The following USP37 variants were observed in gnomAD, a reference collection of about 807,000 sequenced individuals.
The protein encoded by USP37 is ubiquitin specific peptidase 37.
In USP37, 27 loss-of-function variants were observed where a neutral mutation model predicts 124.0. The observed-to-expected ratio is 0.22, with a 90% CI of 0.16 to 0.30. The LOEUF (loss-of-function observed/expected upper bound fraction) is 0.30. Ranked by LOEUF, USP37 falls within the 10% of genes least tolerant of loss-of-function variation. The probability of loss-of-function intolerance (pLI) is 1.00; values close to 1 mark genes in which losing one functional copy is unlikely to be tolerated. For synonymous variants in USP37, 365 were observed against 388.0 expected (o/e 0.94, Z 0.70); for missense variants, 889 against 1,140.4 (o/e 0.78, Z 3.17).
intron 8 of USP37, among the ~76,000 whole-genome samples, chr2:218,542,317 G>A (rs755003361): frequency 2.0e-5 from 3 of 152,134 alleles, no homozygotes; most frequent in Non-Finnish European, 4.4e-5. Context: ...AACAAGGATC[G>A]GTAACCTAGT....
chr2:218,547,782 A>G (rs922741952), intron 6 of USP37, among the ~76,000 whole-genome samples: 1 of 152,190 alleles, frequency 6.6e-6, no homozygotes, highest in Non-Finnish European at 1.5e-5. Context: ...GGAATGAAAC[A>G]TATGATAGGG....
chr2:218,462,945 T>A (rs1690092546), intron 22 of USP37, among the ~76,000 whole-genome samples: 1 of 152,038 alleles, frequency 6.6e-6, no homozygotes, highest in African/African-American at 2.4e-5. Context: ...GGAGGGTGGA[T>A]CACTTGAAGC....
At chr2:218,458,886 G>T (rs1456374407) in intron 23 of USP37, among the ~76,000 whole-genome samples, 1 of 152,098 alleles carries the variant, frequency 6.6e-6, no homozygotes, top group Admixed American at 6.6e-5. Context: ...GGGCAACACA[G>T]TGAGACTCTG....
rs772543887 is a variant in USP37 at position 218,495,865 on chromosome 2, A to G, written c.1367T>C (p.Val456Ala). The G allele has an allele frequency of 3.1e-6, 5 of 1,614,062 alleles. No homozygotes were observed. Among genetic ancestry groups the G allele is most frequent in the Non-Finnish European group, 4.2e-6 (5 of 1,180,038 alleles). The part of the protein sequence containing the change: ...KLNKTWKTEP[V>A]SGEENSPDIS... ...ATCTGGTGAATTTTCTTCTCCAGAA[A>G]CAGGTTCAGTCTTCCAAGTTTTATT... Residue 456 changes from valine to alanine, a missense_variant, in exon 14 of 26, where the codon GTT becomes GCT. Around this residue, in one of 3 missense-constraint regions of USP37, gnomAD observed 504 missense variants for 714.3 expected, o/e 0.71. Coordinates refer to ENST00000258399, the MANE Select transcript of USP37 (RefSeq NM_020935.3).
chr2:218,540,736 G>A (rs1237337272), intron 8 of USP37, among the ~76,000 whole-genome samples: 1 of 152,202 alleles, frequency 6.6e-6, no homozygotes, highest in Non-Finnish European at 1.5e-5. Flanking sequence ...ACCACAGAAA[G>A]TAAAATCATG....
intron 21 of USP37, among the ~76,000 whole-genome samples, chr2:218,463,792 C>CCCAA (rs1233972821): frequency 2.0e-5 from 3 of 151,232 alleles, no homozygotes; most frequent in Non-Finnish European, 4.4e-5. Flanking sequence ...ACCTCGGCTT[C>CCCAA]CCAAAGTGCT....
At chr2:218,566,632 A>G (rs749886382) in intron 1 of USP37, among the ~76,000 whole-genome samples, 14 of 152,216 alleles carry the variant, frequency 9.2e-5, no homozygotes, top group Non-Finnish European at 1.9e-4. Context: ...ACTCTGTGCC[A>G]AGTGCTTATC....
At chr2:218,470,424 A>G (rs1213510944) in intron 20 of USP37, among the ~76,000 whole-genome samples, 1 of 152,144 alleles carries the variant, frequency 6.6e-6, no homozygotes, top group Admixed American at 6.6e-5. Context: ...AGAGGTCTCA[A>G]GTATTACTGT....
intron 14 of USP37, among the ~76,000 whole-genome samples, chr2:218,492,395 TAAG>T (rs1259186726): frequency 6.6e-6 from 1 of 151,998 alleles, no homozygotes; most frequent in Non-Finnish European, 1.5e-5. Flanking sequence ...GACAGAGAGT[TAAG>T]AGAGATGGGG....
intron 14 of USP37, among the ~76,000 whole-genome samples, chr2:218,494,697 T>G (rs1386785959): frequency 6.6e-6 from 1 of 152,188 alleles, no homozygotes; most frequent in Non-Finnish European, 1.5e-5. Flanking sequence ...AAGAATTACA[T>G]TTTATCTGAA....
In USP37 at chr2:218,457,101, A is replaced by T; in HGVS notation, c.2704T>A (p.Ser902Thr). ...CATGATGGCTATTCACCTGAAGAAG[A>T]AGTGCTACCAATGTGACTGACAACA... is the stretch of plus-strand genomic sequence containing the variant. ...ISVVSHIGSTSSSGHYISDVY... is the reference protein window; with the variant it reads ...ISVVSHIGSTTSSGHYISDVY... The change falls in exon 24 of 26, where the codon TCT becomes ACT. Residue 902 changes from serine to threonine, a missense_variant. Coordinates refer to ENST00000258399, the MANE Select transcript of USP37 (RefSeq NM_020935.3). 6.2e-7 allele frequency: 1 copy of T among 1,613,942 alleles called. No individual in the cohort carries two copies. Among genetic ancestry groups the T allele is most frequent in the Non-Finnish European group, 8.5e-7 (1 of 1,179,950 alleles).
chr2:218,479,039 T>C (rs1041231131), intron 18 of USP37, among the ~76,000 whole-genome samples: 16 of 152,124 alleles, frequency 1.1e-4, no homozygotes, highest in African/African-American at 1.7e-4. Flanking sequence ...ACTAAATCAA[T>C]TGAAATGATC....
At chr2:218,459,130 T>C (rs1327665763) in intron 23 of USP37, among the ~76,000 whole-genome samples, 2 of 151,430 alleles carry the variant, frequency 1.3e-5, no homozygotes, top group Non-Finnish European at 2.9e-5. Flanking sequence ...ACCAATTCAA[T>C]AGTTTTCAGT....
chr2:218,510,813 C>A (rs958138293), intron 10 of USP37, among the ~76,000 whole-genome samples: 3 of 151,906 alleles, frequency 2.0e-5, no homozygotes, highest in East Asian at 1.9e-4. Flanking sequence ...GGCAACCTGG[C>A]GAAACTCCAT....
intron 11 of USP37, chr2:218,501,161 T>G (rs1483179490): frequency 1.3e-5 from 2 of 151,842 alleles, no homozygotes; most frequent in Admixed American, 6.6e-5. Flanking sequence ...CACCTCAGCT[T>G]CCTGAGTAGC....
At chr2:218,511,174 C>T (rs1689968053) in intron 10 of USP37, among the ~76,000 whole-genome samples, 1 of 151,736 alleles carries the variant, frequency 6.6e-6, no homozygotes, top group Non-Finnish European at 1.5e-5. Context: ...AAGTCTTGCT[C>T]TGTCACCCAG....
chr2:218,540,199 C>G (rs77149113), intron 8 of USP37, among the ~76,000 whole-genome samples: 2,160 of 152,114 alleles, frequency 0.014, 25 homozygotes, highest in Non-Finnish European at 0.02. Context: ...GGTCTGATAA[C>G]CAAGATGGCT....
At chr2:218,481,684 T>TTTTC (rs1491335208) in intron 17 of USP37, among the ~76,000 whole-genome samples, 1 of 114,038 alleles carries the variant, frequency 8.8e-6, no homozygotes, top group Admixed American at 8.0e-5. Context: ...TTTTCTTTTC[T>TTTTC]TTTTTTTTTT....
intron 8 of USP37, among the ~76,000 whole-genome samples, 155 bp from the exon 9 acceptor site, chr2:218,534,861 A>G (rs1691532491): frequency 6.6e-6 from 1 of 152,252 alleles, no homozygotes; most frequent in Non-Finnish European, 1.5e-5. Flanking sequence ...CAAAAGGTCA[A>G]TGACTTAAAC....
Sources: gnomAD v4.1 joint callset for allele counts (sites outside exome capture counted in the v4.1 genomes callset) on GRCh38, gnomAD v4.1.1 for gene constraint, gnomAD v4.1.1 regional missense constraint, MANE v1.5 for transcripts, NCBI Gene and HGNC (gene_info 2026-07-23, HGNC 2026-07-21) for gene names.